Variants in IGSF9 observed in about 807,000 individuals in gnomAD.
The protein encoded by IGSF9 is protein turtle homolog A.
IGSF9 carries 87 observed loss-of-function variants against 121.7 expected under a neutral mutation model. The observed-to-expected ratio is 0.71, with a 90% CI of 0.60 to 0.85. The LOEUF (loss-of-function observed/expected upper bound fraction) is 0.85. IGSF9 is among the 40% of genes least tolerant of loss of function. The pLI is 0.00. For synonymous variants in IGSF9, 640 were observed against 648.4 expected (o/e 0.99, Z 0.20); for missense variants, 1,462 against 1,565.3 (o/e 0.93, Z 1.11).
rs146822417 is a variant in IGSF9 at position 159,942,282 on chromosome 1, C to T, written c.247+681G>A. ...GCAGAAGGCGCCCAGGGAGGCTACACACGATTTTAAGTCCCAACAGGTGCC... is the reference window on the plus strand; with the variant it reads ...GCAGAAGGCGCCCAGGGAGGCTACATACGATTTTAAGTCCCAACAGGTGCC... On this transcript the variant is annotated intron_variant, in intron 3 of 20. Coordinates refer to ENST00000368094, the MANE Select transcript of IGSF9 (RefSeq NM_001135050.2). Among the ~76,000 whole-genome samples the T allele has an allele frequency of 2.6e-5, 4 of 152,312 alleles. No individual in the cohort carries two copies. In the East Asian group the frequency reaches 5.8e-4, roughly 22 times the overall value.
Position 159,936,420 on chromosome 1 carries a change from C to T in IGSF9, c.652G>A (p.Ala218Thr), listed in dbSNP as rs749030102. The T allele has an allele frequency of 2.5e-6, 4 of 1,613,954 alleles. No individual in the cohort carries two copies. Among genetic ancestry groups the T allele is most frequent in the Non-Finnish European group, 2.5e-6 (3 of 1,179,924 alleles). Residue 218 changes from alanine (A) to threonine (T), a missense_variant, in exon 6 of 21, where the codon GCC (alanine) becomes ACC (threonine). Ala to Thr is a moderately conservative substitution (Grantham distance 58). Around this residue, in one of 3 missense-constraint regions of IGSF9, gnomAD observed 558 missense variants for 599.4 expected, o/e 0.93. Coordinates refer to ENST00000368094, the MANE Select transcript of IGSF9 (RefSeq NM_001135050.2). ...ASSTEGSATH[A>T]TQLLVLGPPV... ...GCACCTAGCACTAGCAGCTGGGTGG[C>T]GTGGGTGGCGCTGCCCTCAGTGCTG...
chr1:159,933,918 C>T, intron 9 of IGSF9: 1 of 495,620 alleles, frequency 2.0e-6, no homozygotes, highest in Non-Finnish European at 3.6e-6. Context: ...AACTTCAGTT[C>T]TCCTTCTTGA....
At chr1:159,940,803 A>G (rs1651349361) in intron 3 of IGSF9, among the ~76,000 whole-genome samples, 1 of 152,238 alleles carries the variant, frequency 6.6e-6, no homozygotes, top group South Asian at 2.1e-4. Flanking sequence ...GGGCAGAGAA[A>G]AAAATGCACA....
chr1:159,930,890 G>C (rs1429985952), intron 13 of IGSF9, 23 bp from the exon 14 acceptor site: 1 of 1,578,492 alleles, frequency 6.3e-7, no homozygotes, highest in African/African-American at 1.4e-5. Flanking sequence ...AGGACATGGG[G>C]GGCACCTCGT....
intron 3 of IGSF9, among the ~76,000 whole-genome samples, chr1:159,941,901 C>T (rs1031076484): frequency 1.4e-4 from 22 of 152,358 alleles, no homozygotes; most frequent in Middle Eastern, 3.4e-3. Flanking sequence ...AATAACTGCC[C>T]CCAGTTTGAA....
chr1:159,929,741 G>T lies in IGSF9; in HGVS notation c.2223C>A (p.Gly741=). Residue 741 remains glycine, a synonymous_variant, in exon 17 of 21, where the codon GGC becomes GGA. Transcript: ENST00000368094. ...CGGCCACTCCCAGAAAGCAGACTCC[G>T]CCCACCACGCCGGCCAGCACGGGCT... ...LPQPVLAGVV[G]GVCFLGVAVL... 6.2e-7 allele frequency: 1 copy of T among 1,601,750 alleles called. No homozygotes were observed. Among genetic ancestry groups the T allele is most frequent in the Non-Finnish European group, 8.5e-7 (1 of 1,175,048 alleles).
At chr1:159,930,899 G>T in intron 13 of IGSF9, 32 bp from the exon 14 acceptor site, 1 of 1,562,404 alleles carries the variant, frequency 6.4e-7, no homozygotes, top group South Asian at 1.2e-5. Flanking sequence ...GGGGCACCTC[G>T]TGAGCTAGGA....
chr1:159,928,306 GC>G lies in IGSF9; in HGVS notation c.3081del (p.Arg1028GlufsTer45). ...PRGSLTSQSS[G>X]RGSASFLRPP... ...GGCCGCAGGAACGAAGCGCTGCCTC[GC>G]CCACTGCTCTGGCTGGTGAGGCTGC... On this transcript the variant is annotated frameshift_variant, in exon 19 of 21. Coordinates refer to ENST00000368094, the MANE Select transcript of IGSF9 (RefSeq NM_001135050.2). LOFTEE classifies it high-confidence loss of function. 6.2e-7 allele frequency: 1 copy of G among 1,611,316 alleles called. No homozygotes were observed. Among genetic ancestry groups the G allele is most frequent in the East Asian group, 2.2e-5 (1 of 44,830 alleles).
chr1:159,929,740 C>T lies in IGSF9; in HGVS notation c.2224G>A (p.Gly742Arg), dbSNP rs1372763087. The T allele has an allele frequency of 6.2e-7, 1 of 1,601,742 alleles. No homozygotes were observed. The highest frequency in any genetic ancestry group is 2.3e-5 in the East Asian group (1 of 44,230). ...PQPVLAGVVG[G>R]VCFLGVAVLV... is the part of the protein sequence containing the mutation. The stretch of plus-strand genomic sequence containing the variant: ...ACGGCCACTCCCAGAAAGCAGACTC[C>T]GCCCACCACGCCGGCCAGCACGGGC... The change falls in exon 17 of 21, where the codon GGA becomes AGA. Residue 742 changes from glycine (G) to arginine (R), a missense_variant. Gly to Arg is a moderately radical substitution (Grantham distance 125). Transcript: ENST00000368094.
chr1:159,928,155 C>G lies in IGSF9; in HGVS notation c.3230+3G>C, dbSNP rs752047372. 2 of 1,605,144 alleles carry G rather than the reference C, an allele frequency of 1.2e-6. No individual in the cohort carries two copies. The highest frequency in any genetic ancestry group is 1.7e-6 in the Non-Finnish European group (2 of 1,179,654). ...GGCAGGGATGGGCAGGGACTGCTCT[C>G]ACCTCTTGCTGACTGTCACCACATG... On this transcript the variant is annotated splice_donor_region_variant and intron_variant, in intron 19 of 20. Transcript: ENST00000368094.
chr1:159,930,122 T>TG, intron 15 of IGSF9, 67 bp downstream of exon 15: 1 of 1,554,496 alleles, frequency 6.4e-7, no homozygotes, highest in African/African-American at 1.4e-5. Context: ...AGATAGAGTT[T>TG]GGGGAATGGA....
intron 4 of IGSF9, among the ~76,000 whole-genome samples, 194 bp downstream of exon 4, chr1:159,937,492 A>G (rs1341504733): frequency 6.6e-6 from 1 of 152,046 alleles, no homozygotes; most frequent in African/African-American, 2.4e-5. Context: ...TGAAGAACTG[A>G]AAAGGGCAGG....
chr1:159,936,838 A>ACGCAGGGT lies in IGSF9; in HGVS notation c.463_470dup (p.Cys158ProfsTer14), dbSNP rs1557935534. ...GCAGGGGGCTGCCACGGGCCACACA[A>ACGCAGGGT]CGCAGGGTCACAGGCTCCAGTTCCT... On this transcript the variant is annotated frameshift_variant, in exon 5 of 21. Transcript: ENST00000368094. LOFTEE classifies it high-confidence loss of function. The ACGCAGGGT allele has an allele frequency of 6.2e-7, 1 of 1,614,142 alleles. No homozygotes were observed. The highest frequency in any genetic ancestry group is 8.5e-7 in the Non-Finnish European group (1 of 1,180,000).
intron 3 of IGSF9, among the ~76,000 whole-genome samples, chr1:159,942,140 G>A (rs142557954): frequency 1.1e-3 from 166 of 152,334 alleles, no homozygotes; most frequent in African/African-American, 3.8e-3. Flanking sequence ...CTGTCCTTAG[G>A]GCCTCCTGCA....
In IGSF9 at chr1:159,931,799, TCAGGAGC is replaced by T; in HGVS notation, c.1362+6_1362+12del. ...GGGCGTGGGTACAGGCAGAGCGGGC[TCAGGAGC>T]CTTACCTTGGTCCAAGAGACAACAG... On this transcript the variant is annotated splice_donor_region_variant and intron_variant, in intron 11 of 20. Transcript: ENST00000368094. The surrounding 1 kb of genome is among the most constrained non-coding windows in gnomAD (Gnocchi z 4.8). The T allele has an allele frequency of 6.5e-7, 1 of 1,537,632 alleles. No homozygotes were observed. The highest frequency in any genetic ancestry group is 8.8e-7 in the Non-Finnish European group (1 of 1,135,928).
chr1:159,928,007 C>A (rs906512573), intron 19 of IGSF9, 120 bp from the exon 20 acceptor site: 1 of 1,487,876 alleles, frequency 6.7e-7, no homozygotes, highest in Non-Finnish European at 9.1e-7. Flanking sequence ...CCTGAAAAAT[C>A]CCTGGACCTC....
At position 159,928,896 on chromosome 1, in the gene IGSF9, G is replaced by C; in HGVS notation, c.2492C>G (p.Pro831Arg). The C allele has an allele frequency of 6.3e-7, 1 of 1,594,944 alleles. No individual in the cohort carries two copies. Among genetic ancestry groups the C allele is most frequent in the South Asian group, 1.1e-5 (1 of 88,326 alleles). The change falls in exon 19 of 21, where the codon CCG becomes CGG. Residue 831 changes from proline (P) to arginine (R), a missense_variant. Physicochemically the swap from Pro to Arg is moderately radical, Grantham distance 103 (BLOSUM62 -2). Coordinates refer to ENST00000368094, the MANE Select transcript of IGSF9 (RefSeq NM_001135050.2). Reference protein sequence around the residue: ...GDPAGTPSPHPDPPSSRGPLP... With the variant: ...GDPAGTPSPHRDPPSSRGPLP... ...GGGTCCCCGGCTAGATGGAGGATCC[G>C]GGTGGGGGCTGGGAGTTCCGGCAGG... is the stretch of plus-strand genomic sequence containing the variant.
chr1:159,930,487 T>TC, intron 14 of IGSF9, 48 bp from the exon 15 acceptor site: 1 of 1,516,560 alleles, frequency 6.6e-7, no homozygotes, highest in African/African-American at 1.4e-5. Flanking sequence ...CCAGCGCCCC[T>TC]CCCCTGGCCT....
At position 159,931,095 on chromosome 1, in the gene IGSF9, A is replaced by T; in HGVS notation, c.1637+43T>A. 1 of 1,613,652 alleles carries T rather than the reference A, an allele frequency of 6.2e-7. No homozygotes were observed. The highest frequency in any genetic ancestry group is 8.5e-7 in the Non-Finnish European group (1 of 1,179,684). On this transcript the variant is annotated intron_variant, in intron 13 of 20. Transcript: ENST00000368094. This position sits in a 1 kb window ranked among gnomAD's most constrained non-coding sequence, Gnocchi z 4.8. ...ATAGGTTCAAGGAGGAGAGGAAAGG[A>T]GGCAAGATTGGCACAGAGAAATGGC...
Sources: allele counts gnomAD v4.1 joint callset (sites outside exome capture counted in the v4.1 genomes callset), GRCh38; gene constraint gnomAD v4.1.1; regional missense constraint gnomAD v4.1.1; non-coding constraint Gnocchi (gnomAD v3.1); transcripts MANE v1.5; gene names NCBI Gene and HGNC (gene_info 2026-07-23, HGNC 2026-07-21).